The following RABEP2 variants were observed in gnomAD, a reference collection of about 807,000 sequenced individuals.
RABEP2 encodes rab GTPase-binding effector protein 2.
RABEP2 carries 57 observed loss-of-function variants against 74.1 expected under a neutral mutation model. The observed-to-expected ratio is 0.77, with a 90% CI of 0.62 to 0.96. RABEP2 has a LOEUF of 0.96. Ranked by LOEUF, RABEP2 falls within the 40% of genes least tolerant of loss-of-function variation. RABEP2 has a pLI of 0.00. For missense variants in RABEP2, 692 were observed against 756.3 expected (o/e 0.91, Z 1.00); for synonymous variants, 351 against 344.0 (o/e 1.02, Z -0.23).
intron 2 of RABEP2, among the ~76,000 whole-genome samples, chr16:28,922,549 G>C (rs1335274058): frequency 1.3e-5 from 2 of 151,800 alleles, no homozygotes; most frequent in Non-Finnish European, 2.9e-5. Context: ...GTGAAACCCC[G>C]TCTCTACTAA....
chr16:28,914,196 G>C, intron 5 of RABEP2, 40 bp downstream of exon 5: 3 of 1,494,046 alleles, frequency 2.0e-6, no homozygotes, highest in Non-Finnish European at 2.7e-6. Context: ...CCAGCAGAGA[G>C]GGGGATGGTA....
chr16:28,909,180 G>A (rs927862000), intron 7 of RABEP2, among the ~76,000 whole-genome samples: 27 of 151,896 alleles, frequency 1.8e-4, no homozygotes, highest in African/African-American at 6.0e-4. Context: ...GGGTTCAAGC[G>A]ATTCTCCTGC....
chr16:28,921,145 T>G, intron 2 of RABEP2: 1 of 455,264 alleles, frequency 2.2e-6, no homozygotes, highest in Non-Finnish European at 4.4e-6. Context: ...ATTACAGGCA[T>G]GAGCCACCAC....
chr16:28,910,766 T>C (rs945502750), intron 7 of RABEP2, 122 bp downstream of exon 7: 1 of 850,504 alleles, frequency 1.2e-6, no homozygotes, highest in Non-Finnish European at 1.8e-6. Context: ...GGTTCCAGGG[T>C]GTGGCCTGAG....
At chr16:28,907,315 C>T (rs1166625216) in intron 8 of RABEP2, among the ~76,000 whole-genome samples, 1 of 151,940 alleles carries the variant, frequency 6.6e-6, no homozygotes, top group African/African-American at 2.4e-5. Flanking sequence ...GGCCACCACA[C>T]CTGGCTAATT....
intron 8 of RABEP2, among the ~76,000 whole-genome samples, chr16:28,908,184 G>A (rs1363024877): frequency 3.3e-5 from 5 of 152,046 alleles, no homozygotes; most frequent in Admixed American, 2.6e-4. Flanking sequence ...CAAGTGATCC[G>A]CCCGCCTCAG....
At chr16:28,907,321 T>C (rs573031709) in intron 8 of RABEP2, among the ~76,000 whole-genome samples, 7 of 152,114 alleles carry the variant, frequency 4.6e-5, no homozygotes, top group African/African-American at 1.7e-4. Context: ...CACACCTGGC[T>C]AATTTTTGTA....
At chr16:28,910,300 T>C (rs1439296850) in intron 7 of RABEP2, 1 of 152,016 alleles carries the variant, frequency 6.6e-6, no homozygotes, top group Non-Finnish European at 1.5e-5. Flanking sequence ...TTTTTTTTTT[T>C]TTCTTTGAGA....
At chr16:28,913,748 A>G (rs1187649707) in intron 5 of RABEP2, among the ~76,000 whole-genome samples, 1 of 143,600 alleles carries the variant, frequency 7.0e-6, no homozygotes, top group African/African-American at 2.6e-5. Context: ...AAGTGCTGGG[A>G]TTACAGGCAT....
At chr16:28,905,310 C>T (rs538057491) in intron 12 of RABEP2, 87 bp downstream of exon 12, 90 of 982,754 alleles carry the variant, frequency 9.2e-5, no homozygotes, top group Middle Eastern at 4.4e-4. Context: ...AAAGGACTCC[C>T]CTAACCAGGG....
At chr16:28,913,774 GCCT>G (rs1327066372) in intron 5 of RABEP2, among the ~76,000 whole-genome samples, 1 of 145,818 alleles carries the variant, frequency 6.9e-6, no homozygotes, top group Non-Finnish European at 1.5e-5. Flanking sequence ...ACCGCACCCG[GCCT>G]CTTTTTTTTT....
intron 2 of RABEP2, among the ~76,000 whole-genome samples, chr16:28,921,983 A>C (rs1051027491): frequency 2.6e-5 from 4 of 152,004 alleles, no homozygotes; most frequent in African/African-American, 4.8e-5. Context: ...AAAAAACAAA[A>C]AAAAGAGAGT....
chr16:28,920,995 CTGG>C, intron 2 of RABEP2: 1 of 348,568 alleles, frequency 2.9e-6, no homozygotes, highest in South Asian at 2.2e-5. Flanking sequence ...CCCCGAGTAG[CTGG>C]GACTACAGGC....
rs1294907352 is a variant in RABEP2, at chr16:28,925,082, C to G, written c.61+21G>C. 1.9e-6 allele frequency: 3 copies of G among 1,551,026 alleles called. No homozygotes were observed. In the African/African-American group the frequency reaches 4.1e-5, roughly 21 times the overall value. On this transcript the variant is annotated intron_variant, in intron 1 of 12. Coordinates refer to ENST00000358201, the MANE Select transcript of RABEP2 (RefSeq NM_024816.3). ...CCCCAGCATCACCGTTCCCCGCTTG[C>G]ACGGACGCCCCCTCACGTACCAGCC...
chr16:28,904,843 G>C lies in RABEP2; in HGVS notation c.*100C>G, dbSNP rs1199099995. The C allele has an allele frequency of 1.1e-6, 1 of 907,188 alleles. No individual in the cohort carries two copies. The highest frequency in any genetic ancestry group is 1.7e-6 in the Non-Finnish European group (1 of 595,414). 56.2% of individuals were successfully genotyped at this position (907,188 alleles called of 1,614,324 possible). A position where few individuals can be genotyped will look rare whatever the true frequency, so the allele number is the denominator to read the frequency against. On this transcript the variant is annotated 3_prime_UTR_variant, in exon 13 of 13. Transcript: ENST00000358201. ...CAGTCCCCTCAACCCCAGTCTCAGG[G>C]ACGGTGGAAAAGCCATCCAAGACCC...
In RABEP2 at chr16:28,910,015, C is replaced by T. The variant is rs754469321; in HGVS notation, c.1089+873G>A. Among the ~76,000 whole-genome samples, 65 of 126,020 alleles carry T rather than the reference C, an allele frequency of 5.2e-4. 1 individual carries two copies. The highest frequency in any genetic ancestry group is 1.9e-3 in the East Asian group (8 of 4,258). 82.7% of individuals were successfully genotyped at this position (126,020 alleles called of 152,430 possible). A position where few individuals can be genotyped will look rare whatever the true frequency, so the allele number is the denominator to read the frequency against. ...CTGCACTCCAGCCTGGGTGAAAGAG[C>T]GAGACTCCGTCTCAAAAAAAAAAAA... On this transcript the variant is annotated intron_variant, in intron 7 of 12. Transcript: ENST00000358201.
In RABEP2 at chr16:28,914,316, G is replaced by A; in HGVS notation, c.814C>T (p.Leu272=). The A allele has an allele frequency of 6.2e-7, 1 of 1,613,220 alleles. No homozygotes were observed. The highest frequency in any genetic ancestry group is 8.5e-7 in the Non-Finnish European group (1 of 1,179,996). The stretch of plus-strand genomic sequence containing the variant: ...GGCAGGTAGATGCCCTCGGGAACCA[G>A]GGTGCCCGTAGACACCAGCGAGGCC... ...ETASLVSTGT[L]VPEGIYLPPP... The change falls in exon 5 of 13, where the codon CTG becomes TTG. Residue 272 remains leucine (L), a synonymous_variant. Transcript: ENST00000358201.
chr16:28,906,096 A>G lies in RABEP2; in HGVS notation c.1346T>C (p.Leu449Pro), dbSNP rs770054902. The change falls in exon 9 of 13, where the codon CTG becomes CCG. Residue 449 changes from leucine (L) to proline (P), a missense_variant. By Grantham distance (98) the Leu-to-Pro change is moderately conservative. Transcript: ENST00000358201. ...AERLRIEIVT[L>P]REALEEETVA... ...TGTCTCCTCCTCCAGAGCCTCCCGC[A>G]GCGTCACGATCTCGATCCGCAGGCG... 9.4e-6 allele frequency: 15 copies of G among 1,597,024 alleles called. No individual in the cohort carries two copies. The highest frequency in any genetic ancestry group is 6.8e-5 in the East Asian group (3 of 44,080).
At chr16:28,924,953 G>A (rs1435247918) in intron 1 of RABEP2, 150 bp downstream of exon 1, 1 of 984,956 alleles carries the variant, frequency 1.0e-6, no homozygotes, top group African/African-American at 1.6e-5. Context: ...GCCCCCTTTT[G>A]CCTGTGGCTG....
Sources: gnomAD v4.1 joint callset for allele counts (sites outside exome capture counted in the v4.1 genomes callset) on GRCh38, gnomAD v4.1.1 for gene constraint, MANE v1.5 for transcripts, NCBI Gene and HGNC (gene_info 2026-07-23, HGNC 2026-07-21) for gene names.